The following BTD variants were observed in gnomAD, a reference collection of about 807,000 sequenced individuals.
BTD encodes biotinidase.
BTD carries 13 observed loss-of-function variants against 17.7 expected under a neutral mutation model. That is an observed-to-expected ratio of 0.74 (90% CI 0.48 to 1.17). The LOEUF (loss-of-function observed/expected upper bound fraction) is 1.17, where lower values mean the gene tolerates loss of function less well. Ranked by LOEUF, BTD falls within the 50% of genes most tolerant of loss-of-function variation. The pLI, the probability that BTD is intolerant of heterozygous loss-of-function variation, is 0.00. For synonymous variants in BTD, 240 were observed against 245.2 expected (o/e 0.98, Z 0.20); for missense variants, 674 against 650.4 (o/e 1.04, Z -0.39).
At chr3:15,639,674 T>C (rs1559595287) in intron 2 of BTD, among the ~76,000 whole-genome samples, 1 of 152,246 alleles carries the variant, frequency 6.6e-6, no homozygotes, top group Non-Finnish European at 1.5e-5. Flanking sequence ...ATCTCCATCT[T>C]GCCTTATTTT....
chr3:15,702,768 C>A (rs1461143580), intron 3 of BTD, among the ~76,000 whole-genome samples: 1 of 151,988 alleles, frequency 6.6e-6, no homozygotes, highest in Non-Finnish European at 1.5e-5. Context: ...TCCAAGAGGC[C>A]CTCCCTCCTC....
chr3:15,670,312 A>G, intron 3 of BTD: 1 of 1,613,960 alleles, frequency 6.2e-7, no homozygotes, highest in Non-Finnish European at 8.5e-7. Flanking sequence ...CATCCACGTC[A>G]GTGTATAAGT....
At chr3:15,715,665 C>G (rs2072921244), downstream of BTD, among the ~76,000 whole-genome samples, 3 of 152,154 alleles carry the variant, frequency 2.0e-5, no homozygotes. Flanking sequence ...CTACTTACCA[C>G]AAGCAAGATT....
At chr3:15,676,231 C>T in intron 3 of BTD, 1 of 380,908 alleles carries the variant, frequency 2.6e-6, no homozygotes, top group Non-Finnish European at 4.7e-6. Flanking sequence ...TCGACAGGTC[C>T]CTACCTTCAC....
chr3:15,634,032 G>A (rs1190805798), intron 1 of BTD, among the ~76,000 whole-genome samples: 3 of 152,154 alleles, frequency 2.0e-5, no homozygotes, highest in Non-Finnish European at 4.4e-5. Context: ...CATTTCCCTG[G>A]GGAAAGAAAT....
chr3:15,645,664 T>A lies in BTD; in HGVS notation c.*176T>A. ...GTAGGAGAGGCAGATTCCCTCAGTG[T>A]CTTCCTCTTAAACCTCAATCATCGA... On this transcript the variant is annotated 3_prime_UTR_variant, in exon 4 of 4. Coordinates refer to ENST00000643237, the MANE Select transcript of BTD (RefSeq NM_001370658.1). 2 of 655,176 alleles carry A rather than the reference T, an allele frequency of 3.1e-6. No homozygotes were observed. Among genetic ancestry groups the A allele is most frequent in the Non-Finnish European group, 5.2e-6 (2 of 386,770 alleles). 40.6% of individuals were successfully genotyped at this position (655,176 alleles called of 1,614,324 possible). A position where few individuals can be genotyped will look rare whatever the true frequency, so the allele number is the denominator to read the frequency against.
At chr3:15,707,602 A>G (rs1212729217) in intron 3 of BTD, among the ~76,000 whole-genome samples, 1 of 152,230 alleles carries the variant, frequency 6.6e-6, no homozygotes, top group African/African-American at 2.4e-5. Context: ...CCCATGATAT[A>G]GTCACGGCTG....
At position 15,693,327 on chromosome 3, in the gene BTD, CAGAGAG is replaced by C. The variant is rs59750718; in HGVS notation, c.400-16715_400-16710del. ...TGACAAAAAAATAGTAATGGGGGGG[CAGAGAG>C]AGAGAGAGAGAGAGAGACCGACCCA... On this transcript the variant is annotated intron_variant, in intron 3 of 3. Coordinates refer to the BTD transcript ENST00000672141. Among the ~76,000 whole-genome samples, 8 of 148,424 alleles carry C rather than the reference CAGAGAG, an allele frequency of 5.4e-5. No individual in the cohort carries two copies. The South Asian group carries it at 6.5e-4, about 12-fold the overall frequency.
At chr3:15,633,964 T>A (rs1410031977) in intron 1 of BTD, among the ~76,000 whole-genome samples, 4 of 152,248 alleles carry the variant, frequency 2.6e-5, no homozygotes. Flanking sequence ...CTTAAAACAT[T>A]GTTTACAGTG....
chr3:15,673,716 G>A (rs529877847), intron 3 of BTD, among the ~76,000 whole-genome samples: 1 of 152,152 alleles, frequency 6.6e-6, no homozygotes, highest in South Asian at 2.1e-4. Flanking sequence ...TTAGTCATGG[G>A]ATGTTTGGGG....
downstream of BTD, among the ~76,000 whole-genome samples, chr3:15,655,738 C>G (rs540841919): frequency 2.0e-5 from 3 of 152,272 alleles, no homozygotes; most frequent in East Asian, 5.8e-4. Context: ...GTAAATTATG[C>G]TTTTTCTAAT....
chr3:15,698,203 A>C (rs2069963468), intron 3 of BTD, among the ~76,000 whole-genome samples: 1 of 152,204 alleles, frequency 6.6e-6, no homozygotes, highest in South Asian at 2.1e-4. Flanking sequence ...TTCATGCTAA[A>C]AACTCTCAAT....
intron 3 of BTD, among the ~76,000 whole-genome samples, chr3:15,671,330 G>C (rs1449298564): frequency 1.3e-5 from 2 of 152,148 alleles, no homozygotes; most frequent in East Asian, 3.9e-4. Context: ...GACGGAGCGG[G>C]AGAGAAGTGA....
intron 3 of BTD, among the ~76,000 whole-genome samples, chr3:15,666,976 T>C (rs1171232266): frequency 2.0e-5 from 3 of 152,216 alleles, no homozygotes; most frequent in Non-Finnish European, 4.4e-5. Context: ...CTTTCCACAA[T>C]GAAATTAATT....
intron 3 of BTD, among the ~76,000 whole-genome samples, chr3:15,702,727 T>A (rs1222757760): frequency 1.3e-5 from 2 of 152,094 alleles, no homozygotes; most frequent in Non-Finnish European, 2.9e-5. Flanking sequence ...TAAGGACCAC[T>A]CAGCCAGGAA....
At chr3:15,699,627 C>CA (rs1416105622) in intron 3 of BTD, among the ~76,000 whole-genome samples, 3 of 151,942 alleles carry the variant, frequency 2.0e-5, no homozygotes, top group Admixed American at 6.5e-5. Flanking sequence ...AATAGACATA[C>CA]AAAAAAATGC....
chr3:15,642,506 G>A (rs1485585056), intron 3 of BTD, among the ~76,000 whole-genome samples: 2 of 147,304 alleles, frequency 1.4e-5, no homozygotes, highest in African/African-American at 5.1e-5. Flanking sequence ...CCAGGCTGGA[G>A]CGCAGTGGCG....
At position 15,635,372 on chromosome 3, in the gene BTD, C is replaced by A; in HGVS notation, c.-16-52C>A. On this transcript the variant is annotated intron_variant, in intron 1 of 3. Transcript: ENST00000643237. This position sits in a 1 kb window ranked among gnomAD's most constrained non-coding sequence, Gnocchi z 4.1. ...AAATCACAGCTGCAAACGTTAAATT[C>A]TTGGCAGGATTCTTTATTCAGCTGT... 6.2e-7 allele frequency: 1 copy of A among 1,612,858 alleles called. No homozygotes were observed. Among genetic ancestry groups the A allele is most frequent in the Non-Finnish European group, 8.5e-7 (1 of 1,179,284 alleles).
intron 3 of BTD, among the ~76,000 whole-genome samples, chr3:15,697,066 C>G (rs9811615): frequency 0.041 from 6,272 of 151,940 alleles, 424 homozygotes; most frequent in African/African-American, 0.14. Flanking sequence ...CGAACGAGTG[C>G]GTAAAGAAAA....
Sources: allele counts gnomAD v4.1 joint callset (sites outside exome capture counted in the v4.1 genomes callset), GRCh38; gene constraint gnomAD v4.1.1; non-coding constraint Gnocchi (gnomAD v3.1); transcripts MANE v1.5; gene names NCBI Gene and HGNC (gene_info 2026-07-23, HGNC 2026-07-21).